The following OR8D4 variants were observed in gnomAD, a reference collection of about 807,000 sequenced individuals.
The protein encoded by OR8D4 is olfactory receptor family 8 subfamily D member 4.
For synonymous variants in OR8D4, 141 were observed against 134.8 expected (o/e 1.05, Z -0.32); for missense variants, 359 against 372.6 (o/e 0.96, Z 0.30).
intron 1 of OR8D4, 150 bp from the exon 2 acceptor site, chr11:123,906,267 A>G (rs1863197300): frequency 1.2e-5 from 7 of 574,970 alleles, no homozygotes; most frequent in Admixed American, 3.3e-5. Flanking sequence ...ATAGGTAGGT[A>G]GATGCTTACC....
Position 123,907,110 on chromosome 11 carries a change from C to A in OR8D4, c.679C>A (p.Arg227Ser). 1 of 1,613,942 alleles carries A rather than the reference C, an allele frequency of 6.2e-7. No homozygotes were observed. The highest frequency in any genetic ancestry group is 8.5e-7 in the Non-Finnish European group (1 of 1,179,940). ...TGCTTTTATCCTCACCAGCATCCTG[C>A]GCATCCACTCTAAAAAGGGCAGGTG... ...SYAFILTSIL[R>S]IHSKKGRCKA... The change falls in exon 2 of 2, where the codon CGC becomes AGC. Residue 227 changes from arginine (R) to serine (S), a missense_variant. Arg to Ser is a moderately radical substitution (Grantham distance 110). Coordinates refer to ENST00000641687, the MANE Select transcript of OR8D4 (RefSeq NM_001005197.2).
rs769125288 is a variant in OR8D4, at chr11:123,906,719, A to T, written c.288A>T (p.Gly96=). ...LCRDRSISYS[G]CMIQLFFFCV... ...GAGATAGATCCATCTCCTATTCTGGATGCATGATTCAGCTGTTTTTTTTCT... is the reference window on the plus strand; with the variant it reads ...GAGATAGATCCATCTCCTATTCTGGTTGCATGATTCAGCTGTTTTTTTTCT... The change falls in exon 2 of 2, where the codon GGA becomes GGT. Residue 96 remains glycine, a synonymous_variant. Transcript: ENST00000641687. 2 of 1,613,986 alleles carry T rather than the reference A, an allele frequency of 1.2e-6. No individual in the cohort carries two copies. Among genetic ancestry groups the T allele is most frequent in the South Asian group, 2.2e-5 (2 of 91,082 alleles).
rs1863209271 is a variant in OR8D4 at position 123,907,084 on chromosome 11, A to G, written c.653A>G (p.Tyr218Cys). 1 of 1,614,018 alleles carries G rather than the reference A, an allele frequency of 6.2e-7. No individual in the cohort carries two copies. The highest frequency in any genetic ancestry group is 2.2e-5 in the East Asian group (1 of 44,840). Residue 218 changes from tyrosine (Y) to cysteine (C), a missense_variant, in exon 2 of 2, where the codon TAT becomes TGT. Coordinates refer to ENST00000641687, the MANE Select transcript of OR8D4 (RefSeq NM_001005197.2). ...ACAAGCCTAACAATCATTATTTCATATGCTTTTATCCTCACCAGCATCCTG... is the reference window on the plus strand; with the variant it reads ...ACAAGCCTAACAATCATTATTTCATGTGCTTTTATCCTCACCAGCATCCTG... ...VATSLTIIIS[Y>C]AFILTSILRI...
chr11:123,906,633 T>A lies in OR8D4; in HGVS notation c.202T>A (p.Phe68Ile). 6.2e-7 allele frequency: 1 copy of A among 1,613,892 alleles called. No homozygotes were observed. Among genetic ancestry groups the A allele is most frequent in the Non-Finnish European group, 8.5e-7 (1 of 1,179,758 alleles). ...PMYYFLSSLS[F>I]LDFCYSSVIT... ...GTACTATTTCCTGAGTAGTTTGTCT[T>A]TTTTAGATTTCTGCTATTCTTCTGT... Residue 68 changes from phenylalanine to isoleucine, a missense_variant, in exon 2 of 2, where the codon TTT (phenylalanine) becomes ATT (isoleucine). Physicochemically the swap from Phe to Ile is conservative, Grantham distance 21. Transcript: ENST00000641687.
chr11:123,907,280 C>A lies in OR8D4; in HGVS notation c.849C>A (p.Leu283=), dbSNP rs1262406499. Reference sequence around the variant, plus strand: ...CAGTATTTTATACCACTGTGATTCTCATGTTGAATCCCTTGATATATAGTC... The same window carrying A: ...CAGTATTTTATACCACTGTGATTCTAATGTTGAATCCCTTGATATATAGTC... The part of the protein sequence containing the change: ...VSSVFYTTVI[L]MLNPLIYSLR... The change falls in exon 2 of 2, where the codon CTC becomes CTA. Residue 283 remains leucine, a synonymous_variant. Transcript: ENST00000641687. 1 of 1,602,586 alleles carries A rather than the reference C, an allele frequency of 6.2e-7. No homozygotes were observed. The highest frequency in any genetic ancestry group is 8.5e-7 in the Non-Finnish European group (1 of 1,169,806).
At chr11:123,902,855 G>T (rs1413704204) in intron 1 of OR8D4, among the ~76,000 whole-genome samples, 1 of 152,032 alleles carries the variant, frequency 6.6e-6, no homozygotes, top group Non-Finnish European at 1.5e-5. Flanking sequence ...TTGAAATCTG[G>T]CCGGGTATAA....
At position 123,906,436 on chromosome 11, in the gene OR8D4, G is replaced by A; in HGVS notation, c.5G>A (p.Gly2Asp). The A allele has an allele frequency of 6.3e-7, 1 of 1,587,410 alleles. No homozygotes were observed. The highest frequency in any genetic ancestry group is 8.6e-7 in the Non-Finnish European group (1 of 1,164,236). M[G>D]VKNHSTVTEF... ...CCACAGATTTCTCAGAGAAGAATGG[G>A]TGTAAAAAACCATTCCACAGTGACT... Residue 2 changes from glycine to aspartate, a missense_variant, in exon 2 of 2, where the codon GGT becomes GAT. Physicochemically the swap from Gly to Asp is moderately conservative, Grantham distance 94 (BLOSUM62 -1). Coordinates refer to ENST00000641687, the MANE Select transcript of OR8D4 (RefSeq NM_001005197.2).
chr11:123,907,647 T>G lies in OR8D4; in HGVS notation c.*271T>G, dbSNP rs1242614276. ...CTGTAATCCCACCTACTTGGGAGGCTGAGGCAGAAGAATTGCTTGAACTCG... is the reference window on the plus strand; with the variant it reads ...CTGTAATCCCACCTACTTGGGAGGCGGAGGCAGAAGAATTGCTTGAACTCG... On this transcript the variant is annotated 3_prime_UTR_variant, in exon 2 of 2. Transcript: ENST00000641687. The G allele has an allele frequency of 6.2e-6, 1 of 162,488 alleles. No individual in the cohort carries two copies. Among genetic ancestry groups the G allele is most frequent in the Admixed American group, 6.6e-5 (1 of 15,230 alleles). 10.1% of individuals were successfully genotyped at this position (162,488 alleles called of 1,614,324 possible).
At position 123,908,164 on chromosome 11, in the gene OR8D4, A is replaced by G. The variant is rs754885094; in HGVS notation, c.*788A>G. On this transcript the variant is annotated 3_prime_UTR_variant, in exon 2 of 2. Transcript: ENST00000641687. Reference sequence around the variant, plus strand: ...TGCAATGAAGAAGATTCAACAAAGGACTAAGCTAATATGGTCTCAGTATTT... The same window carrying G: ...TGCAATGAAGAAGATTCAACAAAGGGCTAAGCTAATATGGTCTCAGTATTT... 1 of 152,230 alleles carries G rather than the reference A, an allele frequency of 6.6e-6. No homozygotes were observed. The highest frequency in any genetic ancestry group is 2.4e-5 in the African/African-American group (1 of 41,462). 9.4% of individuals were successfully genotyped at this position (152,230 alleles called of 1,614,324 possible). A position where few individuals can be genotyped will look rare whatever the true frequency, so the allele number is the denominator to read the frequency against.
Position 123,909,154 on chromosome 11 carries a change from T to A in OR8D4, c.*1778T>A, listed in dbSNP as rs1456200566. ...TACTTTTGATGCTGTTAAACTTATT[T>A]TGGTAAGAAACAATGTGATTTTAGT... On this transcript the variant is annotated 3_prime_UTR_variant, in exon 2 of 2. Transcript: ENST00000641687. 6.6e-6 allele frequency: 1 copy of A among 152,110 alleles called. No individual in the cohort carries two copies. The highest frequency in any genetic ancestry group is 1.5e-5 in the Non-Finnish European group (1 of 68,012). 9.4% of individuals were successfully genotyped at this position (152,110 alleles called of 1,614,324 possible).
At chr11:123,906,325 G>C in intron 1 of OR8D4, 92 bp from the exon 2 acceptor site, 1 of 778,560 alleles carries the variant, frequency 1.3e-6, no homozygotes, top group Middle Eastern at 2.6e-4. Context: ...GTAACACAAA[G>C]TCAGTGTTTT....
Position 123,906,735 on chromosome 11 carries a change from T to G in OR8D4, c.304T>G (p.Phe102Val), listed in dbSNP as rs79561639. 51 of 1,608,064 alleles carry G rather than the reference T, an allele frequency of 3.2e-5. No homozygotes were observed. The African/African-American group carries it at 6.6e-4, about 21-fold the overall frequency. Residue 102 changes from phenylalanine to valine, a missense_variant, in exon 2 of 2, where the codon TTT (phenylalanine) becomes GTT (valine). By Grantham distance (50) the Phe-to-Val change is conservative. Coordinates refer to ENST00000641687, the MANE Select transcript of OR8D4 (RefSeq NM_001005197.2). ...CTATTCTGGATGCATGATTCAGCTG[T>G]TTTTTTTCTGTGTTTGTGTTATTTC... Reference protein sequence around the residue: ...ISYSGCMIQLFFFCVCVISEC... With the variant: ...ISYSGCMIQLVFFCVCVISEC...
At chr11:123,903,427 A>G (rs1003494372) in intron 1 of OR8D4, among the ~76,000 whole-genome samples, 1 of 152,156 alleles carries the variant, frequency 6.6e-6, no homozygotes, top group Non-Finnish European at 1.5e-5. Flanking sequence ...TTATATGTCT[A>G]TTGGGCAATG....
chr11:123,906,893 T>A lies in OR8D4; in HGVS notation c.462T>A (p.Thr154=). 6.2e-7 allele frequency: 1 copy of A among 1,614,060 alleles called. No homozygotes were observed. The highest frequency in any genetic ancestry group is 8.5e-7 in the Non-Finnish European group (1 of 1,179,924). ...LVAAVFSVGF[T]DAVIHGGCIL... ...CTGCTGTCTTCTCAGTAGGTTTCAC[T>A]GATGCTGTGATCCATGGAGGTTGTA... is the stretch of plus-strand genomic sequence containing the variant. Residue 154 remains threonine, a synonymous_variant, in exon 2 of 2, where the codon ACT becomes ACA. Coordinates refer to ENST00000641687, the MANE Select transcript of OR8D4 (RefSeq NM_001005197.2).
intron 1 of OR8D4, among the ~76,000 whole-genome samples, chr11:123,902,931 TATG>T (rs1353063566): frequency 2.0e-5 from 3 of 152,126 alleles, no homozygotes; most frequent in African/African-American, 7.2e-5. Context: ...ATTTTTAAAA[TATG>T]AATTATATGT....
rs1863207590 is a variant in OR8D4, at chr11:123,906,975, G to T, written c.544G>T (p.Val182Phe). Residue 182 changes from valine (V) to phenylalanine (F), a missense_variant, in exon 2 of 2, where the codon GTC (valine) becomes TTC (phenylalanine). By Grantham distance (50) the Val-to-Phe change is conservative (BLOSUM62 -1). Coordinates refer to ENST00000641687, the MANE Select transcript of OR8D4 (RefSeq NM_001005197.2). ...NIIKHYFCDI[V>F]PLIKLSCSST... Reference sequence around the variant, plus strand: ...CATTAAACATTATTTCTGTGACATTGTCCCTCTTATTAAACTCTCCTGCTC... The same window carrying T: ...CATTAAACATTATTTCTGTGACATTTTCCCTCTTATTAAACTCTCCTGCTC... 2 of 1,613,902 alleles carry T rather than the reference G, an allele frequency of 1.2e-6. No individual in the cohort carries two copies. Among genetic ancestry groups the T allele is most frequent in the Non-Finnish European group, 8.5e-7 (1 of 1,179,946 alleles).
Position 123,906,492 on chromosome 11 carries a change from G to A in OR8D4, c.61G>A (p.Ala21Thr), listed in dbSNP as rs1273700897. 6.2e-7 allele frequency: 1 copy of A among 1,613,628 alleles called. No homozygotes were observed. The highest frequency in any genetic ancestry group is 8.5e-7 in the Non-Finnish European group (1 of 1,179,836). The change falls in exon 2 of 2, where the codon GCA becomes ACA. Residue 21 changes from alanine to threonine, a missense_variant. Coordinates refer to ENST00000641687, the MANE Select transcript of OR8D4 (RefSeq NM_001005197.2). ...EFLLSGLTEQ[A>T]ELQLPLFCLF... ...TCTTCTTTCAGGATTAACTGAACAA[G>A]CAGAGCTTCAGCTGCCCCTCTTCTG...
Position 123,906,697 on chromosome 11 carries a change from A to G in OR8D4, c.266A>G (p.Asp89Gly). ...ATGCTATCAGGGTTTTTATGCAGAG[A>G]TAGATCCATCTCCTATTCTGGATGC... ...PKMLSGFLCR[D>G]RSISYSGCMI... is the part of the protein sequence containing the mutation. The change falls in exon 2 of 2, where the codon GAT becomes GGT. Residue 89 changes from aspartate to glycine, a missense_variant. Asp to Gly is a moderately conservative substitution (Grantham distance 94). Transcript: ENST00000641687. The G allele has an allele frequency of 6.2e-7, 1 of 1,613,952 alleles. No homozygotes were observed.
rs1318928512 is a variant in OR8D4 at position 123,908,599 on chromosome 11, A to G, written c.*1223A>G. 5 of 152,190 alleles carry G rather than the reference A, an allele frequency of 3.3e-5. No individual in the cohort carries two copies. Among genetic ancestry groups the G allele is most frequent in the African/African-American group, 1.2e-4 (5 of 41,444 alleles). The allele number at this position is 152,190 out of a possible 1,614,324, so 9.4% of individuals were successfully genotyped here. A position where few individuals can be genotyped will look rare whatever the true frequency, so the allele number is the denominator to read the frequency against. On this transcript the variant is annotated 3_prime_UTR_variant, in exon 2 of 2. Coordinates refer to ENST00000641687, the MANE Select transcript of OR8D4 (RefSeq NM_001005197.2). ...GTATCTCTTTACTTTTAGGGGGTGAAAAAGATGATAGATAATACAGAGGTA... is the reference window on the plus strand; with the variant it reads ...GTATCTCTTTACTTTTAGGGGGTGAGAAAGATGATAGATAATACAGAGGTA...
Sources: gnomAD v4.1 joint callset for allele counts (sites outside exome capture counted in the v4.1 genomes callset) on GRCh38, gnomAD v4.1.1 for gene constraint, MANE v1.5 for transcripts, NCBI Gene and HGNC (gene_info 2026-07-23, HGNC 2026-07-21) for gene names.